The following MYBL1 variants were observed in gnomAD, a reference collection of about 807,000 sequenced individuals.
MYBL1 encodes MYB proto-oncogene like 1.
In MYBL1, 17 loss-of-function variants were observed where a neutral mutation model predicts 96.3. The ratio of observed to expected loss-of-function variants is 0.18; its 90% CI spans 0.12 to 0.26. The LOEUF is 0.26. MYBL1 is among the 10% of genes least tolerant of loss of function. The pLI is 1.00. For synonymous variants in MYBL1, 282 were observed against 292.7 expected (o/e 0.96, Z 0.37); for missense variants, 701 against 882.9 (o/e 0.79, Z 2.61).
chr8:66,569,789 G>A (rs2129721334), intron 12 of MYBL1, among the ~76,000 whole-genome samples: 1 of 152,282 alleles, frequency 6.6e-6, no homozygotes, highest in South Asian at 2.1e-4. Flanking sequence ...TTGTTCTAAT[G>A]TGTCAAAAGC....
intron 5 of MYBL1, among the ~76,000 whole-genome samples, chr8:66,596,597 T>C (rs1809859075): frequency 6.6e-6 from 1 of 152,192 alleles, no homozygotes; most frequent in Non-Finnish European, 1.5e-5. Flanking sequence ...ATAGCAATGT[T>C]TGCTCAGTAT....
intron 8 of MYBL1, among the ~76,000 whole-genome samples, chr8:66,587,663 G>A (rs995497723): frequency 1.3e-5 from 2 of 152,032 alleles, no homozygotes; most frequent in African/African-American, 2.4e-5. Flanking sequence ...TTTCTCACCC[G>A]CATACCAACT....
At chr8:66,574,400 T>C (rs1808854089) in intron 10 of MYBL1, among the ~76,000 whole-genome samples, 2 of 152,172 alleles carry the variant, frequency 1.3e-5, no homozygotes, top group Admixed American at 1.3e-4. Flanking sequence ...CTACTTCACT[T>C]TCTCCAGTGC....
chr8:66,585,852 G>C (rs1809397448), intron 8 of MYBL1, among the ~76,000 whole-genome samples: 1 of 151,948 alleles, frequency 6.6e-6, no homozygotes, highest in African/African-American at 2.4e-5. Flanking sequence ...AGACAAATGG[G>C]ATTATATTAA....
intron 12 of MYBL1, among the ~76,000 whole-genome samples, chr8:66,571,810 G>A (rs558692266): frequency 4.0e-5 from 6 of 151,736 alleles, no homozygotes; most frequent in East Asian, 3.9e-4. Context: ...CCCAGGAGGC[G>A]GAGGTTGCAG....
chr8:66,602,727 ATATATATTTTT>A (rs1810140940), intron 1 of MYBL1, among the ~76,000 whole-genome samples: 1 of 49,520 alleles, frequency 2.0e-5, no homozygotes, highest in African/African-American at 1.1e-4. Context: ...ATATATATAT[ATATATATTTTT>A]TTTTTTTTTT....
intron 7 of MYBL1, 42 bp from the exon 8 acceptor site, chr8:66,592,586 AATTGCTTT>A (rs778633059): frequency 4.3e-6 from 5 of 1,157,474 alleles, no homozygotes; most frequent in African/African-American, 1.6e-5. Context: ...ATGCTTATAT[AATTGCTTT>A]ATTATTAGTA....
chr8:66,605,176 T>C (rs1267878670), intron 1 of MYBL1, among the ~76,000 whole-genome samples: 1 of 152,232 alleles, frequency 6.6e-6, no homozygotes, highest in Non-Finnish European at 1.5e-5. Flanking sequence ...CATATTTTTT[T>C]CTTACTAAAG....
In MYBL1 at chr8:66,591,145, G is replaced by A. The variant is rs138585660; in HGVS notation, c.867+1295C>T. Among the ~76,000 whole-genome samples the A allele has an allele frequency of 5.5e-4, 83 of 152,060 alleles. 1 individual carries two copies. In the East Asian group the frequency reaches 7.2e-3, roughly 13 times the overall value. ...AGGAGGATCACGAGGTCAGGAGATC[G>A]AGATCATCCTGGCTAACACGGTGAA... is the stretch of plus-strand genomic sequence containing the variant. On this transcript the variant is annotated intron_variant, in intron 8 of 15. Transcript: ENST00000522677.
intron 3 of MYBL1, 36 bp downstream of exon 3, chr8:66,601,662 A>G (rs769405442): frequency 8.2e-7 from 1 of 1,212,308 alleles, no homozygotes; most frequent in South Asian, 1.4e-5. Context: ...GCCTTAAACC[A>G]GCCATGTTAG....
chr8:66,569,307 T>C (rs1386456060), intron 12 of MYBL1, among the ~76,000 whole-genome samples: 1 of 151,942 alleles, frequency 6.6e-6, no homozygotes, highest in East Asian at 1.9e-4. Context: ...TATGGCTGCA[T>C]AGTATTCTAT....
chr8:66,605,270 T>C (rs1810267740), intron 1 of MYBL1, among the ~76,000 whole-genome samples: 1 of 152,172 alleles, frequency 6.6e-6, no homozygotes, highest in South Asian at 2.1e-4. Flanking sequence ...TAGCCACATG[T>C]GGCTAATGGC....
chr8:66,565,174 T>TA lies in MYBL1; in HGVS notation c.2131-350dup, dbSNP rs1330013431. 3 of 153,752 alleles carry TA rather than the reference T, an allele frequency of 2.0e-5. No individual in the cohort carries two copies. In the Admixed American group the frequency reaches 2.0e-4, roughly 10 times the overall value. 9.5% of individuals were successfully genotyped at this position (153,752 alleles called of 1,614,324 possible). Reference sequence around the variant, plus strand: ...TTGCTTCAAAATTTTGCAAAAGATTTAAAGAGAGGATGTAATGTCAAAAAA... The same window carrying TA: ...TTGCTTCAAAATTTTGCAAAAGATTTAAAAGAGAGGATGTAATGTCAAAAAA... On this transcript the variant is annotated intron_variant, in intron 15 of 15. Coordinates refer to ENST00000522677, the MANE Select transcript of MYBL1 (RefSeq NM_001080416.4).
At chr8:66,589,104 AC>A (rs1344204485) in intron 8 of MYBL1, among the ~76,000 whole-genome samples, 14 of 152,200 alleles carry the variant, frequency 9.2e-5, no homozygotes, top group Admixed American at 9.2e-4. Context: ...CAGAATATAC[AC>A]TTATTCAACC....
At position 66,580,359 on chromosome 8, in the gene MYBL1, C is replaced by T; in HGVS notation, c.875G>A (p.Gly292Glu). The T allele has an allele frequency of 3.8e-6, 6 of 1,597,776 alleles. No homozygotes were observed. The highest frequency in any genetic ancestry group is 1.1e-5 in the South Asian group (1 of 90,004). The change falls in exon 9 of 16, where the codon GGA becomes GAA. Residue 292 changes from glycine to glutamate, a missense_variant. Coordinates refer to ENST00000522677, the MANE Select transcript of MYBL1 (RefSeq NM_001080416.4). The stretch of plus-strand genomic sequence containing the variant: ...ACTACCAGACCAGCTAGAAAAACTT[C>T]CAGGCTGCTAAAGGTACAAAAGAAA... ...VRRKRIPSQPGSFSSWSGSFL... is the reference protein window; with the variant it reads ...VRRKRIPSQPESFSSWSGSFL...
intron 1 of MYBL1, among the ~76,000 whole-genome samples, chr8:66,607,873 C>A (rs1810384468): frequency 6.6e-6 from 1 of 152,024 alleles, no homozygotes; most frequent in Non-Finnish European, 1.5e-5. Context: ...CCCAAATAGC[C>A]CTCAGGCATG....
chr8:66,604,625 T>C (rs149712089), intron 1 of MYBL1, among the ~76,000 whole-genome samples: 5 of 151,966 alleles, frequency 3.3e-5, no homozygotes, highest in South Asian at 2.1e-4. Flanking sequence ...AGAAAAGAAG[T>C]CTACTTTTCA....
intron 12 of MYBL1, among the ~76,000 whole-genome samples, chr8:66,571,698 T>C (rs1453173149): frequency 1.3e-5 from 2 of 151,646 alleles, no homozygotes; most frequent in South Asian, 4.2e-4. Context: ...CTGGCCAACA[T>C]GGTGAAACCC....
intron 14 of MYBL1, among the ~76,000 whole-genome samples, 160 bp from the exon 15 acceptor site, chr8:66,566,403 T>C (rs1185568303): frequency 6.6e-6 from 1 of 152,114 alleles, no homozygotes; most frequent in Admixed American, 6.5e-5. Context: ...ATTTTGGAAA[T>C]GAACCAAAGA....
Sources: allele counts gnomAD v4.1 joint callset (sites outside exome capture counted in the v4.1 genomes callset), GRCh38; gene constraint gnomAD v4.1.1; transcripts MANE v1.5; gene names NCBI Gene and HGNC (gene_info 2026-07-23, HGNC 2026-07-21).